EIF3M: variants seen among roughly 807,000 people sequenced by gnomAD.
EIF3M encodes the protein eukaryotic translation initiation factor 3 subunit M, also known as B5 receptor.
Under a neutral mutation model 49.7 loss-of-function variants are expected in EIF3M, and 25 were observed. That is an observed-to-expected ratio of 0.50 (90% CI 0.37 to 0.70). The LOEUF (loss-of-function observed/expected upper bound fraction) is 0.70. Ranked by LOEUF, EIF3M falls within the 30% of genes least tolerant of loss-of-function variation. The pLI is 0.00. For missense variants in EIF3M, 350 were observed against 440.0 expected (o/e 0.80, Z 1.83); for synonymous variants, 156 against 149.8 (o/e 1.04, Z -0.30).
At chr11:32,584,184 A>C (rs1854955257) in intron 1 of EIF3M, 7 of 570,492 alleles carry the variant, frequency 1.2e-5, no homozygotes, top group Non-Finnish European at 2.2e-5. Flanking sequence ...ATTTCTGACG[A>C]CATAGTACTT....
intron 5 of EIF3M, among the ~76,000 whole-genome samples, chr11:32,590,484 C>G (rs1261350123): frequency 6.6e-6 from 1 of 152,194 alleles, no homozygotes; most frequent in Admixed American, 6.5e-5. Flanking sequence ...TTACAGCACC[C>G]TCTACTTGTA....
intron 8 of EIF3M, among the ~76,000 whole-genome samples, chr11:32,599,896 C>G (rs1204370545): frequency 1.3e-5 from 2 of 151,898 alleles, no homozygotes; most frequent in African/African-American, 2.4e-5. Context: ...AGGATCAGGA[C>G]TGGGTAATTC....
At chr11:32,595,698 G>A (rs1304664059) in intron 7 of EIF3M, among the ~76,000 whole-genome samples, 1 of 152,240 alleles carries the variant, frequency 6.6e-6, no homozygotes, top group African/African-American at 2.4e-5. Context: ...ATATATTTTG[G>A]ACTGTTGTGC....
rs754828246 is a variant in EIF3M, at chr11:32,588,745, C to G, written c.314+13C>G. 2 of 1,611,518 alleles carry G rather than the reference C, an allele frequency of 1.2e-6. No homozygotes were observed. The highest frequency in any genetic ancestry group is 1.7e-6 in the Non-Finnish European group (2 of 1,179,566). ...TGAGACTGCAGTTGTAAGTTAAGATCTGAAAGAAACTCAGTTTTTCTAGGT... is the reference window on the plus strand; with the variant it reads ...TGAGACTGCAGTTGTAAGTTAAGATGTGAAAGAAACTCAGTTTTTCTAGGT... On this transcript the variant is annotated intron_variant, in intron 3 of 10. Transcript: ENST00000531120.
intron 5 of EIF3M, 47 bp downstream of exon 5, chr11:32,589,688 G>A (rs1343042820): frequency 5.8e-6 from 9 of 1,557,736 alleles, no homozygotes; most frequent in Non-Finnish European, 7.9e-6. Flanking sequence ...GACAGTATAA[G>A]TAGGTGGGGA....
At chr11:32,588,884 C>T (rs1420593878) in intron 3 of EIF3M, 128 bp from the exon 4 acceptor site, 22 of 1,527,906 alleles carry the variant, frequency 1.4e-5, no homozygotes, top group Non-Finnish European at 1.9e-5. Context: ...CCTTTCTGTG[C>T]CCTAGTTTCC....
At chr11:32,596,350 T>C (rs1419661448) in intron 8 of EIF3M, among the ~76,000 whole-genome samples, 1 of 152,044 alleles carries the variant, frequency 6.6e-6, no homozygotes, top group Non-Finnish European at 1.5e-5. Context: ...CCCAGCACTT[T>C]GGAGGCCGAG....
chr11:32,591,371 G>T (rs1228174221), intron 5 of EIF3M, among the ~76,000 whole-genome samples: 1 of 152,150 alleles, frequency 6.6e-6, no homozygotes, highest in Non-Finnish European at 1.5e-5. Flanking sequence ...AATTTTTATA[G>T]TTAAGTCATT....
chr11:32,593,757 C>T (rs994297744), intron 5 of EIF3M, 109 bp from the exon 6 acceptor site: 4 of 643,382 alleles, frequency 6.2e-6, no homozygotes, highest in Admixed American at 4.0e-5. Flanking sequence ...CTTTGTCTCT[C>T]TTAGTCACCG....
At chr11:32,590,443 C>T (rs1264391990) in intron 5 of EIF3M, among the ~76,000 whole-genome samples, 2 of 152,182 alleles carry the variant, frequency 1.3e-5, no homozygotes, top group Non-Finnish European at 2.9e-5. Context: ...GCCAGAAACA[C>T]CCCTCTCATA....
intron 5 of EIF3M, among the ~76,000 whole-genome samples, chr11:32,592,932 A>G (rs918237388): frequency 4.6e-5 from 7 of 152,232 alleles, no homozygotes; most frequent in African/African-American, 2.4e-5. Context: ...AGGTGGGACT[A>G]TTGGCATGCG....
chr11:32,583,880 C>A lies in EIF3M; in HGVS notation c.-8C>A. On this transcript the variant is annotated 5_prime_UTR_variant, in exon 1 of 11. Transcript: ENST00000531120. ...GAGTGGAGTGTCCGCTGTGCCCGGG[C>A]CTGCACCATGAGCGTCCCGGCCTTC... 1 of 1,613,564 alleles carries A rather than the reference C, an allele frequency of 6.2e-7. No individual in the cohort carries two copies. The highest frequency in any genetic ancestry group is 8.5e-7 in the Non-Finnish European group (1 of 1,179,752).
intron 5 of EIF3M, chr11:32,592,812 G>T (rs1855123521): frequency 2.7e-6 from 1 of 375,026 alleles, no homozygotes; most frequent in Non-Finnish European, 5.1e-6. Context: ...TTAGAGACAG[G>T]GTCTGACCAT....
intron 5 of EIF3M, among the ~76,000 whole-genome samples, chr11:32,590,784 C>T (rs551095486): frequency 6.6e-6 from 1 of 152,012 alleles, no homozygotes; most frequent in South Asian, 2.1e-4. Flanking sequence ...AAAAATGCTT[C>T]AAGTTTATGG....
chr11:32,599,811 G>C (rs1194852676), intron 8 of EIF3M, among the ~76,000 whole-genome samples: 1 of 151,722 alleles, frequency 6.6e-6, no homozygotes, highest in Non-Finnish European at 1.5e-5. Context: ...ACCTATTCTA[G>C]GCCTAGCACT....
rs1855227602 is a variant in EIF3M, at chr11:32,599,377, A to G, written c.800-1312A>G. On this transcript the variant is annotated intron_variant, in intron 8 of 10. Coordinates refer to ENST00000531120, the MANE Select transcript of EIF3M (RefSeq NM_006360.6). The stretch of plus-strand genomic sequence containing the variant: ...TACCTCATTCATTTGAGTTATGGTG[A>G]TCATGTTTTTGTTGAATCTGTGCCA... Among the ~76,000 whole-genome samples, 3 of 152,128 alleles carry G rather than the reference A, an allele frequency of 2.0e-5. 1 individual carries two copies. In the South Asian group the frequency reaches 6.2e-4, roughly 32 times the overall value.
chr11:32,599,307 C>T (rs778024770), intron 8 of EIF3M, among the ~76,000 whole-genome samples: 13 of 152,028 alleles, frequency 8.6e-5, no homozygotes, highest in Non-Finnish European at 1.5e-4. Flanking sequence ...GATTTCTTGG[C>T]GCCTGTAGAT....
At chr11:32,598,167 T>G (rs1419504382) in intron 8 of EIF3M, among the ~76,000 whole-genome samples, 1 of 152,172 alleles carries the variant, frequency 6.6e-6, no homozygotes, top group Non-Finnish European at 1.5e-5. Flanking sequence ...AAAGGAGTAG[T>G]AATTAACACT....
Position 32,602,544 on chromosome 11 carries a change from T to A in EIF3M, c.*145T>A. On this transcript the variant is annotated 3_prime_UTR_variant, in exon 11 of 11. Transcript: ENST00000531120. Reference sequence around the variant, plus strand: ...ACAAACTCCAGAGGATATGAAGTAATAAATTACAAGGGGTCACAATGTCTG... The same window carrying A: ...ACAAACTCCAGAGGATATGAAGTAAAAAATTACAAGGGGTCACAATGTCTG... The A allele has an allele frequency of 9.7e-7, 1 of 1,035,682 alleles. No homozygotes were observed. Among genetic ancestry groups the A allele is most frequent in the Non-Finnish European group, 1.4e-6 (1 of 738,870 alleles). 64.2% of individuals were successfully genotyped at this position (1,035,682 alleles called of 1,614,324 possible). A position where few individuals can be genotyped will look rare whatever the true frequency, so the allele number is the denominator to read the frequency against.
Sources: allele counts gnomAD v4.1 joint callset (sites outside exome capture counted in the v4.1 genomes callset), GRCh38; gene constraint gnomAD v4.1.1; transcripts MANE v1.5; gene names NCBI Gene and HGNC (gene_info 2026-07-23, HGNC 2026-07-21).